The following NRP1 variants were observed in gnomAD, a reference collection of about 807,000 sequenced individuals.
The protein encoded by NRP1 is neuropilin-1.
Under a neutral mutation model 106.7 loss-of-function variants are expected in NRP1, and 35 were observed. The observed-to-expected ratio is 0.33, with a 90% CI of 0.25 to 0.43. NRP1 has a LOEUF of 0.43. Among genes scored for constraint, NRP1 ranks in the 20% least tolerant of loss-of-function variants. The pLI is 1.00. For synonymous variants in NRP1, 437 were observed against 417.9 expected, an observed-to-expected ratio of 1.05 and a Z score of -0.56; for missense variants, 1,024 against 1,170.4, an observed-to-expected ratio of 0.87 and a Z score of 1.83.
chr10:33,192,139 T>C, intron 13 of NRP1, 142 bp downstream of exon 13: 1 of 849,472 alleles, frequency 1.2e-6, no homozygotes, highest in Non-Finnish European at 1.8e-6. Context: ...TTGTTAATTC[T>C]AGAAAATAAT....
chr10:33,251,947 C>T (rs1037243434), intron 6 of NRP1, among the ~76,000 whole-genome samples: 1 of 152,058 alleles, frequency 6.6e-6, no homozygotes, highest in Non-Finnish European at 1.5e-5. Context: ...TAGGGCTCCA[C>T]CCCCACGGAC....
At chr10:33,194,725 C>T in intron 12 of NRP1, 1 of 526,380 alleles carries the variant, frequency 1.9e-6, no homozygotes, top group Non-Finnish European at 3.9e-6. Context: ...AGATCAATGC[C>T]TTTTGTTGGG....
At chr10:33,241,355 C>T (rs998075844) in intron 6 of NRP1, among the ~76,000 whole-genome samples, 5 of 152,122 alleles carry the variant, frequency 3.3e-5, no homozygotes, top group African/African-American at 1.2e-4. Context: ...AAAAAAAAAT[C>T]TATCGATACT....
intron 9 of NRP1, 69 bp downstream of exon 9, chr10:33,213,317 G>A (rs777475813): frequency 6.2e-7 from 1 of 1,614,178 alleles, no homozygotes; most frequent in South Asian, 1.1e-5. Flanking sequence ...TTCCTCGGGA[G>A]AATGCCAGAG....
chr10:33,214,461 A>G (rs751714746), intron 8 of NRP1, among the ~76,000 whole-genome samples: 1 of 152,004 alleles, frequency 6.6e-6, no homozygotes, highest in Non-Finnish European at 1.5e-5. Flanking sequence ...TTGCTGCCAA[A>G]TCCTGTTGTT....
chr10:33,299,147 A>T (rs1242166671), intron 2 of NRP1, among the ~76,000 whole-genome samples: 1 of 152,114 alleles, frequency 6.6e-6, no homozygotes, highest in African/African-American at 2.4e-5. Context: ...GCTCTGTCTG[A>T]CCCAAAGTTA....
chr10:33,202,541 T>G, intron 11 of NRP1: 2 of 1,312,558 alleles, frequency 1.5e-6, no homozygotes, highest in Non-Finnish European at 2.0e-6. Flanking sequence ...AAGTGTGTGG[T>G]TACGTAGGGG....
At chr10:33,260,987 A>G (rs1842534816) in intron 4 of NRP1, among the ~76,000 whole-genome samples, 1 of 105,348 alleles carries the variant, frequency 9.5e-6, no homozygotes, top group Non-Finnish European at 2.0e-5. Flanking sequence ...CCATTGACCA[A>G]AAAAAAAAAA....
chr10:33,280,366 A>G lies in NRP1; in HGVS notation c.249-9510T>C, dbSNP rs376199072. On this transcript the variant is annotated intron_variant, in intron 2 of 16. Coordinates refer to ENST00000374867, the MANE Select transcript of NRP1 (RefSeq NM_003873.7). ...TGGAATCTTCTAGTGTCAGACTTGC[A>G]AAGTTCAGTATTTGTAGAAAATTCA... 2.0e-3 allele frequency among the ~76,000 whole-genome samples: 303 copies of G among 152,320 alleles called. 1 individual carries two copies. Among genetic ancestry groups the G allele is most frequent in the African/African-American group, 6.8e-3 (281 of 41,584 alleles).
intron 6 of NRP1, among the ~76,000 whole-genome samples, chr10:33,243,933 T>TTGTGTG (rs112554908): frequency 2.0e-3 from 277 of 141,440 alleles, no homozygotes; most frequent in African/African-American, 6.1e-3. Context: ...GGGTAGAGGT[T>TTGTGTG]TGTGTGTGTG....
intron 2 of NRP1, among the ~76,000 whole-genome samples, chr10:33,276,348 A>G (rs1311419707): frequency 6.6e-6 from 1 of 152,194 alleles, no homozygotes; most frequent in Non-Finnish European, 1.5e-5. Context: ...CACTGGATCA[A>G]TGAGATGCTC....
At chr10:33,257,657 G>A (rs1842290342) in intron 4 of NRP1, among the ~76,000 whole-genome samples, 1 of 152,052 alleles carries the variant, frequency 6.6e-6, no homozygotes, top group South Asian at 2.1e-4. Flanking sequence ...ACAATTTGCT[G>A]TTTGACTTAA....
chr10:33,241,336 T>C lies in NRP1; in HGVS notation c.981+12692A>G, dbSNP rs541001715. 6.6e-5 allele frequency among the ~76,000 whole-genome samples: 10 copies of C among 152,308 alleles called. No homozygotes were observed. In the South Asian group the frequency reaches 2.1e-3, roughly 32 times the overall value. The stretch of plus-strand genomic sequence containing the variant: ...GTGGACAGAACTCAAATTCTTTTCA[T>C]GTTCCAGGAAAAAAAAATCTATCGA... On this transcript the variant is annotated intron_variant, in intron 6 of 16. Transcript: ENST00000374867.
At chr10:33,282,382 T>C (rs1474158690) in intron 2 of NRP1, among the ~76,000 whole-genome samples, 1 of 152,222 alleles carries the variant, frequency 6.6e-6, no homozygotes, top group Admixed American at 6.5e-5. Context: ...AATGAAGCAA[T>C]AATTCTGTTT....
intron 6 of NRP1, among the ~76,000 whole-genome samples, chr10:33,237,906 AAAGAT>A (rs1307114955): frequency 6.6e-6 from 1 of 152,084 alleles, no homozygotes; most frequent in Non-Finnish European, 1.5e-5. Context: ...TTCGGAGAGC[AAAGAT>A]AAGTGTCCTC....
chr10:33,254,609 A>C (rs1842078972), intron 5 of NRP1, among the ~76,000 whole-genome samples: 1 of 152,186 alleles, frequency 6.6e-6, no homozygotes, highest in Admixed American at 6.5e-5. Flanking sequence ...TTGAAAAAAG[A>C]CTCTATGTCT....
chr10:33,256,106 G>T (rs1212445756), intron 5 of NRP1, among the ~76,000 whole-genome samples: 1 of 152,082 alleles, frequency 6.6e-6, no homozygotes, highest in East Asian at 1.9e-4. Flanking sequence ...AGGCTCCCAA[G>T]CAGGCTTCTC....
rs1279132567 is a variant in NRP1 at position 33,256,404 on chromosome 10, A to G, written c.726T>C (p.Ile242=). 7 of 1,614,198 alleles carry G rather than the reference A, an allele frequency of 4.3e-6. No homozygotes were observed. The highest frequency in any genetic ancestry group is 2.2e-5 in the South Asian group (2 of 91,084). ...TPGRIRSSSG[I]LSMVFYTDSA... ...TGTCGGTGTAAAAAACCATGGAGAG[A>G]ATGCCCGATGAGGATCGGATTCGAC... Residue 242 remains isoleucine, a synonymous_variant, in exon 5 of 17, where the codon ATT becomes ATC. Transcript: ENST00000374867.
At chr10:33,267,759 A>C (rs1312115871) in intron 3 of NRP1, among the ~76,000 whole-genome samples, 1 of 152,176 alleles carries the variant, frequency 6.6e-6, no homozygotes, top group East Asian at 1.9e-4. Context: ...CTGGTGGCCC[A>C]AAGTTTCAGC....
Sources: allele counts gnomAD v4.1 joint callset (sites outside exome capture counted in the v4.1 genomes callset), GRCh38; gene constraint gnomAD v4.1.1; transcripts MANE v1.5; gene names NCBI Gene and HGNC (gene_info 2026-07-23, HGNC 2026-07-21).